The following NRG3 variants were observed in gnomAD, a reference collection of about 807,000 sequenced individuals.
The protein encoded by NRG3 is neuregulin 3.
In NRG3, 31 loss-of-function variants were observed where a neutral mutation model predicts 66.9. The ratio of observed to expected loss-of-function variants is 0.46; its 90% CI spans 0.35 to 0.63. NRG3 has a LOEUF of 0.63. Among genes scored for constraint, NRG3 ranks in the 20% least tolerant of loss-of-function variants. The pLI, the probability that NRG3 is intolerant of heterozygous loss-of-function variation, is 0.00. For missense variants in NRG3, 910 were observed against 878.9 expected (o/e 1.04, Z -0.45); for synonymous variants, 393 against 359.4 (o/e 1.09, Z -1.06).
chr10:82,324,020 A>T (rs2081729263), intron 1 of NRG3, among the ~76,000 whole-genome samples: 1 of 151,958 alleles, frequency 6.6e-6, no homozygotes, highest in African/African-American at 2.4e-5. Flanking sequence ...GCCTGTGACC[A>T]CACCCAGCTA....
chr10:82,856,727 G>A (rs1221723337), intron 3 of NRG3, among the ~76,000 whole-genome samples: 1 of 110,598 alleles, frequency 9.0e-6, no homozygotes, highest in Non-Finnish European at 1.7e-5. Context: ...CTGGGAGACA[G>A]AGCAAGACTC....
intron 1 of NRG3, among the ~76,000 whole-genome samples, chr10:82,006,279 A>G (rs2061373905): frequency 6.6e-6 from 1 of 152,100 alleles, no homozygotes; most frequent in Admixed American, 6.6e-5. Flanking sequence ...GTCTATTCAT[A>G]TAACTAGCCT....
chr10:81,989,847 G>T (rs2060668803), intron 1 of NRG3, among the ~76,000 whole-genome samples: 1 of 152,040 alleles, frequency 6.6e-6, no homozygotes, highest in South Asian at 2.1e-4. Context: ...GCAGAAGCTG[G>T]ACTGTAGTTG....
At chr10:82,138,174 A>ATG (rs369956573) in intron 1 of NRG3, among the ~76,000 whole-genome samples, 15 of 152,042 alleles carry the variant, frequency 9.9e-5, no homozygotes, top group African/African-American at 3.1e-4. Context: ...AAATGTGTAT[A>ATG]TGTGTGTGTG....
intron 1 of NRG3, among the ~76,000 whole-genome samples, chr10:82,161,663 C>T (rs2071612446): frequency 6.6e-6 from 1 of 152,052 alleles, no homozygotes; most frequent in African/African-American, 2.4e-5. Flanking sequence ...CATTGAAAGC[C>T]TGTTCTCTTT....
At chr10:82,945,933 A>T (rs1163633992) in intron 4 of NRG3, among the ~76,000 whole-genome samples, 1 of 152,166 alleles carries the variant, frequency 6.6e-6, no homozygotes, top group Non-Finnish European at 1.5e-5. Flanking sequence ...AGTACCTGAT[A>T]TCAACATGGA....
intron 2 of NRG3, among the ~76,000 whole-genome samples, chr10:82,597,198 G>C (rs1421554912): frequency 2.0e-5 from 3 of 152,180 alleles, no homozygotes; most frequent in African/African-American, 7.2e-5. Flanking sequence ...GTTTGCATGT[G>C]GGGGAGCAGT....
chr10:82,156,717 A>G (rs1454097092), intron 1 of NRG3, among the ~76,000 whole-genome samples: 3 of 151,664 alleles, frequency 2.0e-5, no homozygotes, highest in Non-Finnish European at 3.0e-5. Context: ...AGGAAGATCC[A>G]TGGAGTTTAA....
intron 3 of NRG3, among the ~76,000 whole-genome samples, chr10:82,748,717 T>A (rs2058739875): frequency 1.3e-5 from 2 of 150,748 alleles, no homozygotes; most frequent in Non-Finnish European, 3.0e-5. Flanking sequence ...TAACAAATAA[T>A]CCTCACACAG....
At chr10:82,666,648 C>T (rs926785243) in intron 2 of NRG3, among the ~76,000 whole-genome samples, 2 of 152,122 alleles carry the variant, frequency 1.3e-5, no homozygotes, top group African/African-American at 4.8e-5. Context: ...TTTGACATTG[C>T]CGTATGGTTA....
At chr10:82,940,247 A>G (rs1848474284) in intron 4 of NRG3, among the ~76,000 whole-genome samples, 1 of 152,148 alleles carries the variant, frequency 6.6e-6, no homozygotes, top group African/African-American at 2.4e-5. Flanking sequence ...GGCTCACACA[A>G]TTCTTTTGTT....
intron 2 of NRG3, among the ~76,000 whole-genome samples, chr10:82,628,206 A>G (rs997355287): frequency 3.3e-5 from 5 of 152,224 alleles, no homozygotes; most frequent in Non-Finnish European, 7.3e-5. Context: ...TTGGAAGTGA[A>G]CTATGAATAA....
At chr10:82,073,366 G>C (rs970012714) in intron 1 of NRG3, among the ~76,000 whole-genome samples, 1 of 152,190 alleles carries the variant, frequency 6.6e-6, no homozygotes, top group Non-Finnish European at 1.5e-5. Flanking sequence ...CTCATAGTCT[G>C]TCAGGGCATT....
intron 2 of NRG3, among the ~76,000 whole-genome samples, chr10:82,462,913 T>C (rs1426177798): frequency 6.6e-6 from 1 of 152,110 alleles, no homozygotes; most frequent in African/African-American, 2.4e-5. Flanking sequence ...CTCACAGAGG[T>C]TGCTTGAATG....
intron 1 of NRG3, among the ~76,000 whole-genome samples, chr10:82,246,293 C>G (rs909830970): frequency 2.6e-5 from 4 of 152,150 alleles, no homozygotes; most frequent in Non-Finnish European, 4.4e-5. Flanking sequence ...ATTTTGCTTT[C>G]ACATACTGCA....
At chr10:82,055,124 C>T (rs189330368) in intron 1 of NRG3, among the ~76,000 whole-genome samples, 1 of 152,056 alleles carries the variant, frequency 6.6e-6, no homozygotes, top group Non-Finnish European at 1.5e-5. Flanking sequence ...GCCACAGTCT[C>T]AGCTGCTGCT....
rs2061460121 is a variant in NRG3 at position 82,810,767 on chromosome 10, A to C, written c.1028-54644A>C. Among the ~76,000 whole-genome samples the C allele has an allele frequency of 5.3e-5, 8 of 150,776 alleles. No individual in the cohort carries two copies. In the South Asian group the frequency reaches 1.7e-3, roughly 32 times the overall value. On this transcript the variant is annotated intron_variant, in intron 3 of 8. Coordinates refer to ENST00000372141, the MANE Select transcript of NRG3 (RefSeq NM_001010848.4). ...AAAAAAAAAAAAAAAAGAAGAAGCG[A>C]CTGCAATAGTCCAAGCCAGTGATGC... is the stretch of plus-strand genomic sequence containing the variant.
chr10:82,863,044 T>A (rs925898871), intron 3 of NRG3, among the ~76,000 whole-genome samples: 1 of 152,152 alleles, frequency 6.6e-6, no homozygotes, highest in African/African-American at 2.4e-5. Flanking sequence ...CAGTGTGTGA[T>A]GTTCGCCTCC....
At chr10:82,744,571 G>A (rs113321677) in intron 3 of NRG3, among the ~76,000 whole-genome samples, 1,549 of 152,168 alleles carry the variant, frequency 0.01, 24 homozygotes, top group African/African-American at 0.036. Context: ...TAAGAATTTC[G>A]GTGGGACACA....
Sources: gnomAD v4.1 joint callset for allele counts (sites outside exome capture counted in the v4.1 genomes callset) on GRCh38, gnomAD v4.1.1 for gene constraint, MANE v1.5 for transcripts, NCBI Gene and HGNC (gene_info 2026-07-23, HGNC 2026-07-21) for gene names.